PPFIA3: variants seen among roughly 807,000 people sequenced by gnomAD.
PPFIA3 encodes PPFI scaffold protein A3.
In PPFIA3, 26 loss-of-function variants were observed where a neutral mutation model predicts 145.8. The ratio of observed to expected loss-of-function variants is 0.18; its 90% CI spans 0.13 to 0.25. PPFIA3 has a LOEUF of 0.25. Ranked by LOEUF, PPFIA3 falls within the 10% of genes least tolerant of loss-of-function variation. PPFIA3 has a pLI of 1.00. For missense variants in PPFIA3, 1,008 were observed against 1,587.8 expected, an observed-to-expected ratio of 0.63 and a Z score of 6.21; for synonymous variants, 645 against 661.4, an observed-to-expected ratio of 0.98 and a Z score of 0.38.
In PPFIA3 at chr19:49,149,659, C is replaced by G; in HGVS notation, c.3467C>G (p.Ser1156Trp). ...SAEMLPPNFR[S>W]AAAGALGSPG... ...GAGATGTTGCCCCCCAACTTTCGTT[C>G]GGCTGCAGCGGGAGCCCTGGGCTCT... Residue 1156 changes from serine (S) to tryptophan (W), a missense_variant, in exon 28 of 30, where the codon TCG (serine) becomes TGG (tryptophan). Transcript: ENST00000334186. The surrounding 1 kb of genome is among the most constrained non-coding windows in gnomAD (Gnocchi z 5.7). 1 of 1,614,098 alleles carries G rather than the reference C, an allele frequency of 6.2e-7. No individual in the cohort carries two copies. The highest frequency in any genetic ancestry group is 8.5e-7 in the Non-Finnish European group (1 of 1,179,998).
At chr19:49,135,720 T>G in intron 13 of PPFIA3, 59 bp from the exon 14 acceptor site, 1 of 1,527,440 alleles carries the variant, frequency 6.5e-7, no homozygotes, top group Middle Eastern at 1.7e-4. Context: ...TCTGTGACCC[T>G]TACCTCTGTG....
intron 18 of PPFIA3, among the ~76,000 whole-genome samples, chr19:49,140,460 T>C (rs976264235): frequency 4.0e-5 from 6 of 151,502 alleles, no homozygotes; most frequent in Non-Finnish European, 8.8e-5. Context: ...GCGATTCTCC[T>C]GCCTCGGCCT....
chr19:49,147,873 G>T (rs528930171), intron 23 of PPFIA3, among the ~76,000 whole-genome samples: 2 of 152,350 alleles, frequency 1.3e-5, no homozygotes, highest in Non-Finnish European at 1.5e-5. Flanking sequence ...TAGGTCTCAG[G>T]ACAACTGTTT....
In PPFIA3 at chr19:49,133,386, C is replaced by A. The variant is rs374793421; in HGVS notation, c.1161+15C>A. The A allele has an allele frequency of 1.3e-6, 2 of 1,505,748 alleles. No homozygotes were observed. The highest frequency in any genetic ancestry group is 1.9e-5 in the Admixed American group (1 of 52,328). The allele number at this position is 1,505,748 out of a possible 1,614,324, so 93.3% of individuals were successfully genotyped here. A position where few individuals can be genotyped will look rare whatever the true frequency, so the allele number is the denominator to read the frequency against. Reference sequence around the variant, plus strand: ...CGCTCAACAAGGTGCGGGGAGGACTCGGGTCGGGGCCTTGCGTGGGGAAGG... The same window carrying A: ...CGCTCAACAAGGTGCGGGGAGGACTAGGGTCGGGGCCTTGCGTGGGGAAGG... On this transcript the variant is annotated intron_variant, in intron 9 of 29. Coordinates refer to ENST00000334186, the MANE Select transcript of PPFIA3 (RefSeq NM_003660.4). This position sits in a 1 kb window ranked among gnomAD's most constrained non-coding sequence, Gnocchi z 7.2.
chr19:49,134,934 C>T lies in PPFIA3; in HGVS notation c.1520+19C>T. 1 of 1,496,326 alleles carries T rather than the reference C, an allele frequency of 6.7e-7. No homozygotes were observed. Among genetic ancestry groups the T allele is most frequent in the Non-Finnish European group, 9.0e-7 (1 of 1,108,528 alleles). 92.7% of individuals were successfully genotyped at this position (1,496,326 alleles called of 1,614,324 possible). On this transcript the variant is annotated intron_variant, in intron 13 of 29. Coordinates refer to ENST00000334186, the MANE Select transcript of PPFIA3 (RefSeq NM_003660.4). ...ACTCCAGGTGACAGCAGCCCTTCTG[C>T]CCTGCCCCCACCATGGAGCCCCGTT...
At chr19:49,142,205 C>G in intron 20 of PPFIA3, 90 bp downstream of exon 20, 1 of 1,254,384 alleles carries the variant, frequency 8.0e-7, no homozygotes, top group Non-Finnish European at 1.1e-6. Flanking sequence ...CTGGCGCACC[C>G]TGCTTCTAGC....
chr19:49,142,195 C>G, intron 20 of PPFIA3, 80 bp downstream of exon 20: 2 of 1,314,182 alleles, frequency 1.5e-6, no homozygotes, highest in South Asian at 2.7e-5. Context: ...CCTGGTCCTC[C>G]TGGCGCACCC....
chr19:49,147,669 T>C (rs2041295648), intron 23 of PPFIA3, among the ~76,000 whole-genome samples: 1 of 145,286 alleles, frequency 6.9e-6, no homozygotes, highest in Non-Finnish European at 1.5e-5. Context: ...CTGGGTGACA[T>C]AGCAGACTCT....
chr19:49,126,567 T>TC (rs1178035313), intron 1 of PPFIA3, among the ~76,000 whole-genome samples: 1 of 151,156 alleles, frequency 6.6e-6, no homozygotes, highest in African/African-American at 2.4e-5. Flanking sequence ...TTGCTTTTTT[T>TC]TTTTTTTTTT....
chr19:49,139,612 G>A, intron 16 of PPFIA3, 56 bp from the exon 17 acceptor site: 2 of 1,504,064 alleles, frequency 1.3e-6, no homozygotes, highest in East Asian at 2.3e-5. Flanking sequence ...AGTTAATAAG[G>A]AGCCCCCGAC....
chr19:49,150,664 C>G lies in PPFIA3; in HGVS notation c.*442C>G, dbSNP rs1221415853. The G allele has an allele frequency of 2.0e-5, 3 of 153,444 alleles. No individual in the cohort carries two copies. The highest frequency in any genetic ancestry group is 7.2e-5 in the African/African-American group (3 of 41,446). The allele number at this position is 153,444 out of a possible 1,614,324, so 9.5% of individuals were successfully genotyped here. On this transcript the variant is annotated 3_prime_UTR_variant, in exon 30 of 30. Transcript: ENST00000334186. ...GTCCGAAAGGAGGGGAGGGGGGACTCGCTGCTACAAGCCTCGCCCCCTGTG... is the reference window on the plus strand; with the variant it reads ...GTCCGAAAGGAGGGGAGGGGGGACTGGCTGCTACAAGCCTCGCCCCCTGTG...
chr19:49,133,853 G>C lies in PPFIA3; in HGVS notation c.1219G>C (p.Glu407Gln), dbSNP rs772193734. 6.2e-7 allele frequency: 1 copy of C among 1,613,252 alleles called. No homozygotes were observed. The highest frequency in any genetic ancestry group is 8.5e-7 in the Non-Finnish European group (1 of 1,180,010). ...GCTTCGGCAGCTGGAGGCCCAGCTGGAAGAGAAGAATCAAGAGCTGCAGCG... is the reference window on the plus strand; with the variant it reads ...GCTTCGGCAGCTGGAGGCCCAGCTGCAAGAGAAGAATCAAGAGCTGCAGCG... The part of the protein sequence containing the change: ...ERLRQLEAQL[E>Q]EKNQELQRAR... Residue 407 changes from glutamate (E) to glutamine (Q), a missense_variant, in exon 10 of 30, where the codon GAA becomes CAA. Glu to Gln is a conservative substitution (Grantham distance 29, BLOSUM62 2). This residue lies in a region of PPFIA3 where 109 missense variants were observed against 198.1 expected (regional missense o/e 0.55). Coordinates refer to ENST00000334186, the MANE Select transcript of PPFIA3 (RefSeq NM_003660.4). The surrounding 1 kb of genome is among the most constrained non-coding windows in gnomAD (Gnocchi z 7.2).
In PPFIA3 at chr19:49,136,927, G is replaced by C; in HGVS notation, c.1853+16G>C. 2 of 1,491,268 alleles carry C rather than the reference G, an allele frequency of 1.3e-6. No individual in the cohort carries two copies. Among genetic ancestry groups the C allele is most frequent in the Non-Finnish European group, 1.8e-6 (2 of 1,112,336 alleles). The allele number at this position is 1,491,268 out of a possible 1,614,324, so 92.4% of individuals were successfully genotyped here. A position where few individuals can be genotyped will look rare whatever the true frequency, so the allele number is the denominator to read the frequency against. On this transcript the variant is annotated intron_variant, in intron 15 of 29. Coordinates refer to ENST00000334186, the MANE Select transcript of PPFIA3 (RefSeq NM_003660.4). ...AGGAGATCAAGTGAGCCCTGGCCCC[G>C]CCCCGGCCTGCCCTGCCCTGCCGGA...
intron 21 of PPFIA3, among the ~76,000 whole-genome samples, chr19:49,143,433 C>T (rs2041247314): frequency 2.0e-5 from 3 of 151,910 alleles, no homozygotes; most frequent in Admixed American, 6.6e-5. Context: ...AGTGCAATGG[C>T]GCTATCTCCG....
chr19:49,150,225 G>A lies in PPFIA3; in HGVS notation c.*14-11G>A, dbSNP rs2041331341. The A allele has an allele frequency of 6.8e-6, 9 of 1,329,596 alleles. No homozygotes were observed. The highest frequency in any genetic ancestry group is 2.0e-5 in the Admixed American group (1 of 48,994). 82.4% of individuals were successfully genotyped at this position (1,329,596 alleles called of 1,614,324 possible). On this transcript the variant is annotated splice_polypyrimidine_tract_variant and intron_variant, in intron 29 of 29. Coordinates refer to ENST00000334186, the MANE Select transcript of PPFIA3 (RefSeq NM_003660.4). ...TCTTCACTGCTCCACGCGCTGCCCGGCGTCATGCAGGTGACCTCACTCGGA... is the reference window on the plus strand; with the variant it reads ...TCTTCACTGCTCCACGCGCTGCCCGACGTCATGCAGGTGACCTCACTCGGA...
In PPFIA3 at chr19:49,120,604, G is replaced by T. The variant is rs2040925592; in HGVS notation, c.-16+882G>T. Among the ~76,000 whole-genome samples, 1 of 152,098 alleles carries T rather than the reference G, an allele frequency of 6.6e-6. No individual in the cohort carries two copies. Among genetic ancestry groups the T allele is most frequent in the Non-Finnish European group, 1.5e-5 (1 of 68,004 alleles). ...TTTGCTCTGCTTAGAACCCCGCTGT[G>T]CCCTGCAGACACACAGACTTAGCCT... On this transcript the variant is annotated intron_variant, in intron 1 of 29. Coordinates refer to ENST00000334186, the MANE Select transcript of PPFIA3 (RefSeq NM_003660.4). This position sits in a 1 kb window ranked among gnomAD's most constrained non-coding sequence, Gnocchi z 4.6.
intron 22 of PPFIA3, 59 bp downstream of exon 22, chr19:49,146,064 C>T: frequency 6.2e-7 from 1 of 1,602,188 alleles, no homozygotes; most frequent in East Asian, 2.2e-5. Flanking sequence ...GGGGTGGGGG[C>T]GGGGACCGAG....
Position 49,128,523 on chromosome 19 carries a change from G to T in PPFIA3, c.342+55G>T. The T allele has an allele frequency of 2.0e-6, 3 of 1,474,428 alleles. No homozygotes were observed. Among genetic ancestry groups the T allele is most frequent in the Non-Finnish European group, 2.8e-6 (3 of 1,063,816 alleles). 91.3% of individuals were successfully genotyped at this position (1,474,428 alleles called of 1,614,324 possible). A position where few individuals can be genotyped will look rare whatever the true frequency, so the allele number is the denominator to read the frequency against. On this transcript the variant is annotated intron_variant, in intron 3 of 29. Coordinates refer to ENST00000334186, the MANE Select transcript of PPFIA3 (RefSeq NM_003660.4). This position sits in a 1 kb window ranked among gnomAD's most constrained non-coding sequence, Gnocchi z 4.1. ...GGGGGCGGGGCCTCGTGGTGTTGAAGTGGGGGGCGGGGCCTCTCAGTGTTG... is the reference window on the plus strand; with the variant it reads ...GGGGGCGGGGCCTCGTGGTGTTGAATTGGGGGGCGGGGCCTCTCAGTGTTG...
Position 49,139,673 on chromosome 19 carries a change from T to G in PPFIA3, c.2082T>G (p.His694Gln). The G allele has an allele frequency of 6.3e-7, 1 of 1,591,024 alleles. No individual in the cohort carries two copies. The highest frequency in any genetic ancestry group is 1.3e-5 in the African/African-American group (1 of 74,118). Reference sequence around the variant, plus strand: ...TCTGTGCCCTCTGTCCTCAGAATCATGTCCCTAAGGAGGAAGCTGGAGCTC... The same window carrying G: ...TCTGTGCCCTCTGTCCTCAGAATCAGGTCCCTAAGGAGGAAGCTGGAGCTC... ...PAREGTDKAN[H>Q]VPKEEAGAPR... The change falls in exon 17 of 30, where the codon CAT (histidine) becomes CAG (glutamine). Residue 694 changes from histidine to glutamine, a missense_variant. By Grantham distance (24) the His-to-Gln change is conservative. Around this residue, in one of 11 missense-constraint regions of PPFIA3, gnomAD observed 202 missense variants for 241.8 expected, o/e 0.84. Transcript: ENST00000334186.
Sources: allele counts gnomAD v4.1 joint callset (sites outside exome capture counted in the v4.1 genomes callset), GRCh38; gene constraint gnomAD v4.1.1; regional missense constraint gnomAD v4.1.1; non-coding constraint Gnocchi (gnomAD v3.1); transcripts MANE v1.5; gene names NCBI Gene and HGNC (gene_info 2026-07-23, HGNC 2026-07-21).